UST: variants seen among roughly 807,000 people sequenced by gnomAD.
The protein encoded by UST is uronyl 2-sulfotransferase, also known as chondroitin sulfate 2-O-sulfotransferase.
A neutral mutation model predicts 45.6 loss-of-function variants in UST; 21 were observed. The observed-to-expected ratio is 0.46, with a 90% CI of 0.33 to 0.66. The LOEUF (loss-of-function observed/expected upper bound fraction) is 0.66. Ranked by LOEUF, UST falls within the 30% of genes least tolerant of loss-of-function variation. UST has a pLI of 0.02. For missense variants in UST, 463 were observed against 512.4 expected, an observed-to-expected ratio of 0.90 and a Z score of 0.93; for synonymous variants, 215 against 200.6, an observed-to-expected ratio of 1.07 and a Z score of -0.61.
intron 3 of UST, among the ~76,000 whole-genome samples, chr6:148,942,512 TG>T (rs1260375302): frequency 6.6e-6 from 1 of 152,084 alleles, no homozygotes; most frequent in Non-Finnish European, 1.5e-5. Flanking sequence ...GAGTCAAGAT[TG>T]CACCACTGCA....
intron 5 of UST, among the ~76,000 whole-genome samples, chr6:148,998,074 C>T (rs1461951316): frequency 6.6e-6 from 1 of 152,176 alleles, no homozygotes; most frequent in East Asian, 1.9e-4. Flanking sequence ...AAATTCTGAA[C>T]CTCTTCAGCT....
In UST at chr6:149,043,062, C is replaced by CTTCT. The variant is rs781008898; in HGVS notation, c.937+21600_937+21603dup. On this transcript the variant is annotated intron_variant, in intron 7 of 7. Transcript: ENST00000367463. ...CTTTCTTTCCTTCTTTCCTTCTTTCCTTCTTTCTTTCTTTCTTTCTTTTTC... is the reference window on the plus strand; with the variant it reads ...CTTTCTTTCCTTCTTTCCTTCTTTCCTTCTTTCTTTCTTTCTTTCTTTCTTTTTC... 2.4e-3 allele frequency among the ~76,000 whole-genome samples: 271 copies of CTTCT among 112,144 alleles called. 1 individual carries two copies. Among genetic ancestry groups the CTTCT allele is most frequent in the African/African-American group, 8.5e-3 (230 of 27,126 alleles). 73.6% of individuals were successfully genotyped at this position (112,144 alleles called of 152,430 possible). A position where few individuals can be genotyped will look rare whatever the true frequency, so the allele number is the denominator to read the frequency against.
chr6:148,926,216 G>A (rs1779811999), intron 2 of UST, among the ~76,000 whole-genome samples: 1 of 152,158 alleles, frequency 6.6e-6, no homozygotes, highest in South Asian at 2.1e-4. Flanking sequence ...TGTACTACAG[G>A]ATCAAAAGGA....
At chr6:148,949,391 C>A (rs1265145995) in intron 3 of UST, among the ~76,000 whole-genome samples, 1 of 131,922 alleles carries the variant, frequency 7.6e-6, no homozygotes, top group Non-Finnish European at 1.6e-5. Flanking sequence ...GAGACTTTGT[C>A]TCAAAATAAT....
intron 1 of UST, among the ~76,000 whole-genome samples, chr6:148,841,044 G>GAA (rs11407927): frequency 0.52 from 72,599 of 138,292 alleles, 19,965 homozygotes; most frequent in East Asian, 0.93. Context: ...ATTTTGAAAT[G>GAA]AAAAAAAAAA....
chr6:149,034,366 G>A (rs1776197374), intron 7 of UST, among the ~76,000 whole-genome samples: 1 of 152,030 alleles, frequency 6.6e-6, no homozygotes, highest in African/African-American at 2.4e-5. Context: ...TACCAGATAA[G>A]TATGTCAGTT....
At chr6:148,831,900 A>G (rs1165207643) in intron 1 of UST, among the ~76,000 whole-genome samples, 1 of 152,214 alleles carries the variant, frequency 6.6e-6, no homozygotes, top group East Asian at 1.9e-4. Flanking sequence ...ATTCCAATTC[A>G]GTTTTGACTC....
chr6:149,042,448 T>C (rs1245070567), intron 7 of UST, among the ~76,000 whole-genome samples: 2 of 152,148 alleles, frequency 1.3e-5, no homozygotes, highest in Non-Finnish European at 2.9e-5. Flanking sequence ...CCGTGGGATA[T>C]GGTGAGAAAC....
intron 2 of UST, among the ~76,000 whole-genome samples, chr6:148,937,305 C>T (rs142445653): frequency 5.9e-5 from 9 of 152,164 alleles, no homozygotes; most frequent in African/African-American, 1.4e-4. Flanking sequence ...ATAGAAGTAC[C>T]GTCACTGTGA....
At chr6:148,931,038 A>G (rs1415231844) in intron 2 of UST, among the ~76,000 whole-genome samples, 4 of 152,228 alleles carry the variant, frequency 2.6e-5, no homozygotes, top group Non-Finnish European at 5.9e-5. Context: ...CTGTTTCCCC[A>G]GCCTTTATAC....
At chr6:148,975,261 T>A (rs1049603708) in intron 5 of UST, among the ~76,000 whole-genome samples, 1 of 152,226 alleles carries the variant, frequency 6.6e-6, no homozygotes, top group African/African-American at 2.4e-5. Context: ...TTATTTCATG[T>A]CTGTAAGTCT....
chr6:148,989,861 GT>G (rs1781313765), intron 5 of UST, among the ~76,000 whole-genome samples: 1 of 152,178 alleles, frequency 6.6e-6, no homozygotes, highest in Non-Finnish European at 1.5e-5. Flanking sequence ...ACTCTCCTGA[GT>G]TTTTTGGATA....
intron 1 of UST, among the ~76,000 whole-genome samples, chr6:148,756,627 A>G (rs1186486469): frequency 6.6e-6 from 1 of 152,206 alleles, no homozygotes; most frequent in Non-Finnish European, 1.5e-5. Context: ...TACAATTCCA[A>G]TTAGGATCTC....
At chr6:148,765,657 A>C (rs1198694402) in intron 1 of UST, among the ~76,000 whole-genome samples, 1 of 152,214 alleles carries the variant, frequency 6.6e-6, no homozygotes, top group African/African-American at 2.4e-5. Context: ...TCATGAGAGT[A>C]TTGATTGGGG....
At chr6:149,024,143 T>G (rs537313081) in intron 7 of UST, among the ~76,000 whole-genome samples, 2 of 152,316 alleles carry the variant, frequency 1.3e-5, no homozygotes, top group African/African-American at 4.8e-5. Flanking sequence ...AGTGAAACAC[T>G]TCTATACGGC....
At chr6:149,017,781 G>A (rs1775924529) in intron 5 of UST, among the ~76,000 whole-genome samples, 1 of 137,742 alleles carries the variant, frequency 7.3e-6, no homozygotes, top group Non-Finnish European at 1.5e-5. Flanking sequence ...ACTCATTGCA[G>A]CAATGAATAT....
At chr6:149,018,132 A>C (rs1361743199) in intron 5 of UST, among the ~76,000 whole-genome samples, 2 of 152,232 alleles carry the variant, frequency 1.3e-5, no homozygotes, top group African/African-American at 2.4e-5. Flanking sequence ...TAAACTGAAG[A>C]AGTATGAGGG....
chr6:148,794,233 T>C (rs1408209114), intron 1 of UST, among the ~76,000 whole-genome samples: 1 of 152,246 alleles, frequency 6.6e-6, no homozygotes, highest in Non-Finnish European at 1.5e-5. Flanking sequence ...CTTGAGTCAT[T>C]ACCTACATTT....
chr6:149,003,431 G>C (rs1054387705), intron 5 of UST, among the ~76,000 whole-genome samples: 2 of 139,580 alleles, frequency 1.4e-5, no homozygotes, highest in African/African-American at 5.5e-5. Context: ...GTCCAATTTG[G>C]TAAAAAACAA....
Sources: gnomAD v4.1 joint callset for allele counts (sites outside exome capture counted in the v4.1 genomes callset) on GRCh38, gnomAD v4.1.1 for gene constraint, MANE v1.5 for transcripts, NCBI Gene and HGNC (gene_info 2026-07-23, HGNC 2026-07-21) for gene names.